Variants in WNT9A observed in about 807,000 individuals in gnomAD.
WNT9A encodes protein Wnt-9a.
A neutral mutation model predicts 31.4 loss-of-function variants in WNT9A; 8 were observed. That is an observed-to-expected ratio of 0.26 (90% CI 0.15 to 0.46). WNT9A has a LOEUF of 0.46. Among genes scored for constraint, WNT9A ranks in the 20% least tolerant of loss-of-function variants. The pLI is 0.99. For synonymous variants in WNT9A, 236 were observed against 220.1 expected, an observed-to-expected ratio of 1.07 and a Z score of -0.64; for missense variants, 457 against 522.9, an observed-to-expected ratio of 0.87 and a Z score of 1.23.
In WNT9A at chr1:227,920,060, GCTGC is replaced by G. The variant is rs1328113963; in HGVS notation, c.*1454_*1457del. 1 of 152,342 alleles carries G rather than the reference GCTGC, an allele frequency of 6.6e-6. No individual in the cohort carries two copies. Among genetic ancestry groups the G allele is most frequent in the Non-Finnish European group, 1.5e-5 (1 of 68,130 alleles). The allele number at this position is 152,342 out of a possible 1,614,324, so 9.4% of individuals were successfully genotyped here. On this transcript the variant is annotated 3_prime_UTR_variant, in exon 4 of 4. Coordinates refer to ENST00000272164, the MANE Select transcript of WNT9A (RefSeq NM_003395.4). ...TGACATGACATGAACCAATCAAAGG[GCTGC>G]CCTGCCCCCTCACCATGCCCGCCCC...
chr1:227,940,549 A>C (rs1176096038), intron 1 of WNT9A, among the ~76,000 whole-genome samples: 1 of 151,800 alleles, frequency 6.6e-6, no homozygotes, highest in African/African-American at 2.4e-5. Flanking sequence ...CCCCACAGTG[A>C]CTCCAGGTCT....
In WNT9A at chr1:227,920,324, A is replaced by G. The variant is rs1046392633; in HGVS notation, c.*1194T>C. 25 of 152,378 alleles carry G rather than the reference A, an allele frequency of 1.6e-4. No homozygotes were observed. Among genetic ancestry groups the G allele is most frequent in the African/African-American group, 6.0e-4 (25 of 41,588 alleles). The allele number at this position is 152,378 out of a possible 1,614,324, so 9.4% of individuals were successfully genotyped here. A position where few individuals can be genotyped will look rare whatever the true frequency, so the allele number is the denominator to read the frequency against. On this transcript the variant is annotated 3_prime_UTR_variant, in exon 4 of 4. Transcript: ENST00000272164. ...TTAGTGGTTTCAAACAACTAAGCAG[A>G]TCAGAGGCAGGGTTAGGAGGGAATA...
rs960472083 is a variant in WNT9A at position 227,926,715 on chromosome 1, C to A, written c.96-1196G>T. Among the ~76,000 whole-genome samples, 1 of 151,996 alleles carries A rather than the reference C, an allele frequency of 6.6e-6. No individual in the cohort carries two copies. The highest frequency in any genetic ancestry group is 2.1e-4 in the South Asian group (1 of 4,804). On this transcript the variant is annotated intron_variant, in intron 1 of 3. Transcript: ENST00000272164. The surrounding 1 kb of genome is among the most constrained non-coding windows in gnomAD (Gnocchi z 5.0). ...ATCACTGGACACATGACGACCAACC[C>A]ACCCCCAGCAGAGAACGGCAGACTC...
At chr1:227,936,078 C>T (rs886741308) in intron 1 of WNT9A, among the ~76,000 whole-genome samples, 1 of 152,250 alleles carries the variant, frequency 6.6e-6, no homozygotes, top group African/African-American at 2.4e-5. Flanking sequence ...GCAGGGCCTC[C>T]ACCTCCTGAG....
chr1:227,927,442 G>C (rs991977706), intron 1 of WNT9A, among the ~76,000 whole-genome samples: 4 of 152,310 alleles, frequency 2.6e-5, no homozygotes, highest in Admixed American at 6.5e-5. Flanking sequence ...GAGGCCGCCT[G>C]GGTGAGGGAA....
In WNT9A at chr1:227,925,477, C is replaced by T. The variant is rs1375900126; in HGVS notation, c.138G>A (p.Leu46=). Residue 46 remains leucine (L), a synonymous_variant, in exon 2 of 4, where the codon CTG becomes CTA. Coordinates refer to ENST00000272164, the MANE Select transcript of WNT9A (RefSeq NM_003395.4). The surrounding 1 kb of genome is among the most constrained non-coding windows in gnomAD (Gnocchi z 6.0). ...SEPLTILPLT[L]EPEAAAQAHY... ...GCGCCTGGGCAGCCGCCTCTGGCTC[C>T]AGGGTCAGCGGGAGGATGGTCAGGG... 1 of 1,575,644 alleles carries T rather than the reference C, an allele frequency of 6.3e-7. No homozygotes were observed. The highest frequency in any genetic ancestry group is 1.8e-5 in the Admixed American group (1 of 56,982).
At chr1:227,927,570 G>A (rs994704403) in intron 1 of WNT9A, among the ~76,000 whole-genome samples, 1 of 152,186 alleles carries the variant, frequency 6.6e-6, no homozygotes, top group Non-Finnish European at 1.5e-5. Context: ...GGGATGGGAT[G>A]TCCCAGGACA....
At chr1:227,945,033 C>T (rs1377473337) in intron 1 of WNT9A, among the ~76,000 whole-genome samples, 1 of 152,212 alleles carries the variant, frequency 6.6e-6, no homozygotes, top group Admixed American at 6.5e-5. Context: ...CCTGACTCCA[C>T]ATCCAGAGGG....
At chr1:227,941,859 C>T (rs970266614) in intron 1 of WNT9A, among the ~76,000 whole-genome samples, 1 of 152,082 alleles carries the variant, frequency 6.6e-6, no homozygotes, top group Non-Finnish European at 1.5e-5. Flanking sequence ...GCACAATGCA[C>T]AAAGGGAGCC....
At chr1:227,923,646 T>C (rs1666363243) in intron 3 of WNT9A, among the ~76,000 whole-genome samples, 1 of 152,088 alleles carries the variant, frequency 6.6e-6, no homozygotes, top group Admixed American at 6.5e-5. Flanking sequence ...GAGACTCCCC[T>C]GACTTGGGTG....
At chr1:227,922,333 T>C (rs1666334616) in intron 3 of WNT9A, among the ~76,000 whole-genome samples, 2 of 152,198 alleles carry the variant, frequency 1.3e-5, no homozygotes, top group African/African-American at 4.8e-5. Context: ...CTAGACCTTC[T>C]GCCCCCATTC....
intron 1 of WNT9A, among the ~76,000 whole-genome samples, chr1:227,936,615 A>G (rs1159983357): frequency 1.4e-5 from 2 of 148,104 alleles, no homozygotes; most frequent in African/African-American, 5.0e-5. Context: ...GATTACAGGC[A>G]TGAGCCACTG....
At chr1:227,922,748 C>T (rs1666344898) in intron 3 of WNT9A, among the ~76,000 whole-genome samples, 1 of 152,204 alleles carries the variant, frequency 6.6e-6, no homozygotes, top group African/African-American at 2.4e-5. Flanking sequence ...CTGTCCCCTC[C>T]CAGGACTTAG....
In WNT9A at chr1:227,924,099, G is replaced by A. The variant is rs527843220; in HGVS notation, c.615+39C>T. 6.5e-6 allele frequency: 4 copies of A among 611,920 alleles called. No individual in the cohort carries two copies. The African/African-American group carries it at 8.7e-5, about 13-fold the overall frequency. 37.9% of individuals were successfully genotyped at this position (611,920 alleles called of 1,614,324 possible). A position where few individuals can be genotyped will look rare whatever the true frequency, so the allele number is the denominator to read the frequency against. The stretch of plus-strand genomic sequence containing the variant: ...CCCCCAACCCCCTGACGCTCTTTCT[G>A]ACCCTCCCTTCCCACCCCGCCAGCC... On this transcript the variant is annotated intron_variant, in intron 3 of 3. Coordinates refer to ENST00000272164, the MANE Select transcript of WNT9A (RefSeq NM_003395.4).
intron 3 of WNT9A, among the ~76,000 whole-genome samples, chr1:227,923,926 T>C (rs900948266): frequency 6.6e-6 from 1 of 152,092 alleles, no homozygotes; most frequent in Non-Finnish European, 1.5e-5. Flanking sequence ...CCATGGCTAG[T>C]GCCCCGTTTG....
chr1:227,924,439 C>T, intron 2 of WNT9A, 39 bp from the exon 3 acceptor site: 1 of 1,586,330 alleles, frequency 6.3e-7, no homozygotes, highest in Non-Finnish European at 8.6e-7. Flanking sequence ...CCCAGGCTGC[C>T]CAGAGTTCCC....
At chr1:227,934,984 T>C (rs902309659) in intron 1 of WNT9A, among the ~76,000 whole-genome samples, 4 of 151,674 alleles carry the variant, frequency 2.6e-5, no homozygotes, top group Non-Finnish European at 5.9e-5. Context: ...ACATAGAGCC[T>C]GAGTCACAGC....
Position 227,926,211 on chromosome 1 carries a change from C to A in WNT9A, c.96-692G>T, listed in dbSNP as rs1011101626. ...GCAGGACAGACCCCAGCTAACCCAT[C>A]CCCATAGGCCACCCCTGGGGGCCTC... On this transcript the variant is annotated intron_variant, in intron 1 of 3. Coordinates refer to ENST00000272164, the MANE Select transcript of WNT9A (RefSeq NM_003395.4). This position sits in a 1 kb window ranked among gnomAD's most constrained non-coding sequence, Gnocchi z 5.0. Among the ~76,000 whole-genome samples, 3 of 152,102 alleles carry A rather than the reference C, an allele frequency of 2.0e-5. No homozygotes were observed. Among genetic ancestry groups the A allele is most frequent in the African/African-American group, 4.8e-5 (2 of 41,416 alleles).
intron 1 of WNT9A, among the ~76,000 whole-genome samples, chr1:227,935,872 G>C (rs1666586393): frequency 6.6e-6 from 1 of 152,192 alleles, no homozygotes; most frequent in African/African-American, 2.4e-5. Flanking sequence ...ATGCTGGTTA[G>C]TGCCTTCTCT....
Sources: allele counts gnomAD v4.1 joint callset (sites outside exome capture counted in the v4.1 genomes callset), GRCh38; gene constraint gnomAD v4.1.1; non-coding constraint Gnocchi (gnomAD v3.1); transcripts MANE v1.5; gene names NCBI Gene and HGNC (gene_info 2026-07-23, HGNC 2026-07-21).